DOCK9: variants seen among roughly 807,000 people sequenced by gnomAD.
DOCK9 encodes the protein dedicator of cytokinesis 9.
In DOCK9, 89 loss-of-function variants were observed where a neutral mutation model predicts 263.3. The observed-to-expected ratio is 0.34, with a 90% CI of 0.28 to 0.40. DOCK9 has a LOEUF of 0.40. DOCK9 is among the 10% of genes least tolerant of loss of function. The pLI, the probability that DOCK9 is intolerant of heterozygous loss-of-function variation, is 1.00. For missense variants in DOCK9, 2,140 were observed against 2,603.4 expected (o/e 0.82, Z 3.87); for synonymous variants, 976 against 973.1 (o/e 1.00, Z -0.06).
chr13:98,890,215 T>C (rs2046404628), intron 15 of DOCK9, among the ~76,000 whole-genome samples: 2 of 152,192 alleles, frequency 1.3e-5, no homozygotes, highest in African/African-American at 4.8e-5. Flanking sequence ...ATAAAAGTCA[T>C]TGATAAAGAT....
intron 1 of DOCK9, among the ~76,000 whole-genome samples, chr13:99,009,165 A>G (rs1884025786): frequency 6.6e-6 from 1 of 152,252 alleles, no homozygotes; most frequent in African/African-American, 2.4e-5. Context: ...ATATTTTAAC[A>G]AAGTTCTGGG....
At position 98,879,934 on chromosome 13, in the gene DOCK9, A is replaced by G. The variant is rs2044468310; in HGVS notation, c.2907T>C (p.Ser969=). 1 of 1,609,718 alleles carries G rather than the reference A, an allele frequency of 6.2e-7. No homozygotes were observed. Among genetic ancestry groups the G allele is most frequent in the Non-Finnish European group, 8.5e-7 (1 of 1,178,990 alleles). ...AGTTCTCTATCAAATGCTGAGCCAT[A>G]GATTTGATCAGTACATCAAAGAAAA... ...SWFFFDVLIK[S]MAQHLIENSK... Residue 969 remains serine (S), a synonymous_variant, in exon 27 of 53, where the codon TCT becomes TCC. Transcript: ENST00000682017.
intron 1 of DOCK9, among the ~76,000 whole-genome samples, chr13:99,006,832 C>G (rs1478724013): frequency 1.3e-5 from 2 of 152,156 alleles, no homozygotes; most frequent in Non-Finnish European, 2.9e-5. Context: ...TGGCTCACAC[C>G]TGTAATCCCA....
intron 1 of DOCK9, among the ~76,000 whole-genome samples, chr13:99,052,238 CCTGT>C (rs2040731342): frequency 6.6e-6 from 1 of 152,132 alleles, no homozygotes; most frequent in African/African-American, 2.4e-5. Context: ...AGGAGTGTGC[CCTGT>C]CTAATGTCAG....
At chr13:98,855,827 ATGAAGTACGTTTACTT>A (rs2093694148) in intron 34 of DOCK9, 55 bp downstream of exon 34, 1 of 1,578,394 alleles carries the variant, frequency 6.3e-7, no homozygotes, top group Non-Finnish European at 8.7e-7. Flanking sequence ...GCACTAGAAC[ATGAAGTACGTTTACTT>A]TGGGCTAAAT....
intron 1 of DOCK9, among the ~76,000 whole-genome samples, chr13:99,082,847 T>C (rs982519485): frequency 2.6e-5 from 4 of 152,198 alleles, no homozygotes; most frequent in African/African-American, 9.7e-5. Flanking sequence ...GTTATATACC[T>C]AAGATTGTAC....
At chr13:98,812,210 C>A (rs1456506567) in intron 45 of DOCK9, among the ~76,000 whole-genome samples, 1 of 138,346 alleles carries the variant, frequency 7.2e-6, no homozygotes, top group Non-Finnish European at 1.5e-5. Flanking sequence ...GTCTTGTCAG[C>A]AACATCAAAC....
intron 6 of DOCK9, among the ~76,000 whole-genome samples, chr13:98,921,469 A>T (rs920688737): frequency 6.6e-6 from 1 of 152,100 alleles, no homozygotes; most frequent in African/African-American, 2.4e-5. Flanking sequence ...ACGCTGAATG[A>T]TTTTCCAGCC....
intron 1 of DOCK9, among the ~76,000 whole-genome samples, chr13:99,055,700 T>C (rs1289667854): frequency 2.6e-5 from 4 of 152,134 alleles, no homozygotes; most frequent in South Asian, 2.1e-4. Flanking sequence ...TAATAAGTTA[T>C]ACTATTACCA....
At chr13:99,069,751 G>T (rs2142360229) in intron 1 of DOCK9, among the ~76,000 whole-genome samples, 1 of 152,278 alleles carries the variant, frequency 6.6e-6, no homozygotes, top group East Asian at 1.9e-4. Flanking sequence ...AGAATTAGTG[G>T]TACTTTCCAA....
chr13:98,923,417 G>T lies in DOCK9; in HGVS notation c.417-46C>A, dbSNP rs943021802. 3 of 1,514,018 alleles carry T rather than the reference G, an allele frequency of 2.0e-6. No individual in the cohort carries two copies. In the African/African-American group the frequency reaches 4.1e-5, roughly 21 times the overall value. 93.8% of individuals were successfully genotyped at this position (1,514,018 alleles called of 1,614,324 possible). On this transcript the variant is annotated intron_variant, in intron 4 of 52. Transcript: ENST00000682017. ...ATTTGTTTTAGAAATGCCTAGTCAA[G>T]GAAGAGGCTTTGCATTTCTTCCTCC... is the stretch of plus-strand genomic sequence containing the variant.
chr13:98,892,898 C>T (rs776895462), intron 15 of DOCK9, among the ~76,000 whole-genome samples: 37 of 152,106 alleles, frequency 2.4e-4, no homozygotes, highest in Non-Finnish European at 4.7e-4. Context: ...TATTATCCAC[C>T]CTTAAAAAGA....
intron 1 of DOCK9, among the ~76,000 whole-genome samples, chr13:98,970,411 A>G (rs1019978682): frequency 2.6e-5 from 4 of 152,182 alleles, no homozygotes; most frequent in African/African-American, 9.7e-5. Flanking sequence ...GAGATGGGGG[A>G]TCTGGAGGGC....
rs910489123 is a variant in DOCK9, at chr13:98,808,573, C to A, written c.5368-766G>T. The A allele has an allele frequency of 5.1e-5, 56 of 1,090,248 alleles. No homozygotes were observed. The African/African-American group carries it at 6.1e-4, about 12-fold the overall frequency. The allele number at this position is 1,090,248 out of a possible 1,614,324, so 67.5% of individuals were successfully genotyped here. On this transcript the variant is annotated intron_variant, in intron 47 of 52. Transcript: ENST00000682017. ...AGCATGAAACAAAAAACATCCACATCAAACTAGGAGTTTAGACGCAGTAAT... is the reference window on the plus strand; with the variant it reads ...AGCATGAAACAAAAAACATCCACATAAAACTAGGAGTTTAGACGCAGTAAT...
At chr13:98,868,154 T>C (rs2094091604) in intron 28 of DOCK9, 77 bp downstream of exon 28, 6 of 1,581,716 alleles carry the variant, frequency 3.8e-6, no homozygotes, top group Non-Finnish European at 5.2e-6. Context: ...TACTCTATTC[T>C]AGTCACCCTG....
chr13:98,947,707 T>C (rs1436160896), intron 2 of DOCK9, among the ~76,000 whole-genome samples: 2 of 152,146 alleles, frequency 1.3e-5, no homozygotes, highest in East Asian at 1.9e-4. Context: ...GGTTTCACCA[T>C]GTTGGCCAGG....
At chr13:99,042,868 G>A (rs548121641) in intron 1 of DOCK9, among the ~76,000 whole-genome samples, 4 of 152,030 alleles carry the variant, frequency 2.6e-5, no homozygotes, top group Non-Finnish European at 5.9e-5. Context: ...TTTAAAAATA[G>A]CCCCAAACAG....
At chr13:99,045,539 A>C (rs1888896226) in intron 1 of DOCK9, among the ~76,000 whole-genome samples, 1 of 152,096 alleles carries the variant, frequency 6.6e-6, no homozygotes, top group Non-Finnish European at 1.5e-5. Flanking sequence ...AAAGATACAA[A>C]ATTTCAGTTA....
intron 2 of DOCK9, among the ~76,000 whole-genome samples, chr13:98,947,542 C>T (rs2056878366): frequency 7.6e-6 from 1 of 131,194 alleles, no homozygotes. Flanking sequence ...GACTTTCACT[C>T]TCATTGCTTA....
Sources: allele counts gnomAD v4.1 joint callset (sites outside exome capture counted in the v4.1 genomes callset), GRCh38; gene constraint gnomAD v4.1.1; transcripts MANE v1.5; gene names NCBI Gene and HGNC (gene_info 2026-07-23, HGNC 2026-07-21).